CTIF: variants seen among roughly 807,000 people sequenced by gnomAD.
CTIF encodes the protein CBP80/20-dependent translation initiation factor.
Under a neutral mutation model 66.0 loss-of-function variants are expected in CTIF, and 21 were observed. That is an observed-to-expected ratio of 0.32 (90% CI 0.23 to 0.46). CTIF has a LOEUF of 0.46. Ranked by LOEUF, CTIF falls within the 20% of genes least tolerant of loss-of-function variation. The pLI is 1.00. For synonymous variants in CTIF, 345 were observed against 326.4 expected, an observed-to-expected ratio of 1.06 and a Z score of -0.62; for missense variants, 739 against 812.7, an observed-to-expected ratio of 0.91 and a Z score of 1.10.
intron 10 of CTIF, among the ~76,000 whole-genome samples, chr18:48,821,767 T>C (rs928654428): frequency 1.1e-4 from 17 of 152,276 alleles, no homozygotes; most frequent in African/African-American, 3.9e-4. Context: ...TTACAACTCA[T>C]ATTTGCTTAG....
At position 48,828,616 on chromosome 18, in the gene CTIF, A is replaced by G. The variant is rs2068629454; in HGVS notation, c.1527+11240A>G. Among the ~76,000 whole-genome samples, 3 of 152,256 alleles carry G rather than the reference A, an allele frequency of 2.0e-5. No individual in the cohort carries two copies. In the South Asian group the frequency reaches 6.2e-4, roughly 32 times the overall value. Reference sequence around the variant, plus strand: ...AAAACCATTTTCCAGCCGGAATTCTACTTTAAGGCTTAGGTAGGGAGGTAA... The same window carrying G: ...AAAACCATTTTCCAGCCGGAATTCTGCTTTAAGGCTTAGGTAGGGAGGTAA... On this transcript the variant is annotated intron_variant, in intron 10 of 11. Coordinates refer to ENST00000256413, the MANE Select transcript of CTIF (RefSeq NM_014772.3).
chr18:48,581,931 G>A (rs870214), intron 1 of CTIF, among the ~76,000 whole-genome samples: 3,639 of 152,186 alleles, frequency 0.024, 148 homozygotes, highest in African/African-American at 0.082. Flanking sequence ...GGGCCAAAGC[G>A]GGGCAGACCT....
intron 10 of CTIF, among the ~76,000 whole-genome samples, chr18:48,842,246 T>C (rs1275952669): frequency 6.7e-6 from 1 of 149,198 alleles, no homozygotes; most frequent in African/African-American, 2.5e-5. Flanking sequence ...GATGGGGAGG[T>C]CAGGCCTCAT....
At chr18:48,662,217 A>G in intron 3 of CTIF, 1 of 152,612 alleles carries the variant, frequency 6.6e-6, no homozygotes, top group Non-Finnish European at 1.5e-5. Flanking sequence ...GGCCATGGTC[A>G]GGAGCAAAGG....
At chr18:48,671,198 C>CT (rs960810105) in intron 6 of CTIF, among the ~76,000 whole-genome samples, 16 of 151,980 alleles carry the variant, frequency 1.1e-4, no homozygotes, top group African/African-American at 3.6e-4. Context: ...TATGCTTGCT[C>CT]TTTTTTTTAT....
At chr18:48,546,442 C>T (rs1334725833) in intron 1 of CTIF, among the ~76,000 whole-genome samples, 1 of 152,118 alleles carries the variant, frequency 6.6e-6, no homozygotes, top group Non-Finnish European at 1.5e-5. Context: ...ATTTAGAATA[C>T]TTTTAGTACC....
intron 7 of CTIF, among the ~76,000 whole-genome samples, chr18:48,750,780 G>T (rs189322897): frequency 6.6e-6 from 1 of 152,170 alleles, no homozygotes; most frequent in African/African-American, 2.4e-5. Context: ...TGCACCACAC[G>T]CTGCCATAGG....
chr18:48,730,422 CCTG>C (rs1568171486), intron 7 of CTIF, among the ~76,000 whole-genome samples: 4 of 108,400 alleles, frequency 3.7e-5, no homozygotes, highest in African/African-American at 1.2e-4. Flanking sequence ...GTGTGGGGCC[CCTG>C]CGCTGTGAGG....
chr18:48,680,682 T>C (rs550932217), intron 6 of CTIF, among the ~76,000 whole-genome samples: 5 of 152,242 alleles, frequency 3.3e-5, no homozygotes, highest in Admixed American at 2.0e-4. Context: ...CTGAGCCAAT[T>C]TGGCGATGCC....
Position 48,832,333 on chromosome 18 carries a change from G to A in CTIF, c.1527+14957G>A, listed in dbSNP as rs577201542. Among the ~76,000 whole-genome samples, 29 of 152,102 alleles carry A rather than the reference G, an allele frequency of 1.9e-4. 1 individual carries two copies. Among genetic ancestry groups the A allele is most frequent in the African/African-American group, 6.0e-4 (25 of 41,464 alleles). On this transcript the variant is annotated intron_variant, in intron 10 of 11. Coordinates refer to ENST00000256413, the MANE Select transcript of CTIF (RefSeq NM_014772.3). ...ACTCCAGGTGTGCACCACCACCCCCGGCTAATTTTTTGTATTTTTAGTAGA... is the reference window on the plus strand; with the variant it reads ...ACTCCAGGTGTGCACCACCACCCCCAGCTAATTTTTTGTATTTTTAGTAGA...
At chr18:48,556,147 G>A (rs753214465) in intron 1 of CTIF, among the ~76,000 whole-genome samples, 47 of 152,302 alleles carry the variant, frequency 3.1e-4, no homozygotes, top group African/African-American at 7.7e-4. Context: ...CGATCTGATC[G>A]TGAAGGGTGG....
At chr18:48,569,883 G>T (rs996282910) in intron 1 of CTIF, among the ~76,000 whole-genome samples, 1 of 152,180 alleles carries the variant, frequency 6.6e-6, no homozygotes, top group Non-Finnish European at 1.5e-5. Context: ...CATTGGCTTC[G>T]ATCTATTCCA....
At chr18:48,734,490 C>T (rs8099438) in intron 7 of CTIF, among the ~76,000 whole-genome samples, 13 of 152,164 alleles carry the variant, frequency 8.5e-5, no homozygotes, top group African/African-American at 2.9e-4. Flanking sequence ...CGCTAGAACG[C>T]GGGAGGCAGA....
chr18:48,625,136 T>G, intron 2 of CTIF: 1 of 796,096 alleles, frequency 1.3e-6, no homozygotes, highest in Non-Finnish European at 1.5e-6. Context: ...AAATCCCATC[T>G]CTTCATTTCC....
At chr18:48,587,420 G>A (rs1182093612) in intron 1 of CTIF, among the ~76,000 whole-genome samples, 1 of 151,694 alleles carries the variant, frequency 6.6e-6, no homozygotes, top group African/African-American at 2.4e-5. Context: ...AAGCCATTGA[G>A]GGTACAATTT....
chr18:48,604,455 G>A (rs1475466422), intron 1 of CTIF, among the ~76,000 whole-genome samples: 1 of 152,078 alleles, frequency 6.6e-6, no homozygotes, highest in Non-Finnish European at 1.5e-5. Flanking sequence ...TGGGATTACA[G>A]GCGTGAGCCC....
intron 1 of CTIF, among the ~76,000 whole-genome samples, chr18:48,615,815 T>C (rs528938072): frequency 1.1e-4 from 16 of 152,208 alleles, no homozygotes; most frequent in African/African-American, 2.9e-4. Context: ...GGCTACCCCA[T>C]GTGAATCTGG....
At chr18:48,564,984 A>G (rs953235242) in intron 1 of CTIF, 3 of 152,216 alleles carry the variant, frequency 2.0e-5, no homozygotes, top group Admixed American at 2.0e-4. Context: ...GATAAATTTT[A>G]AGGGAAGAAT....
chr18:48,616,339 C>G (rs2090399701), intron 1 of CTIF, among the ~76,000 whole-genome samples: 1 of 152,220 alleles, frequency 6.6e-6, no homozygotes, highest in Non-Finnish European at 1.5e-5. Flanking sequence ...AGGCACGGAG[C>G]CTGCTTGGGG....
Sources: allele counts gnomAD v4.1 joint callset (sites outside exome capture counted in the v4.1 genomes callset), GRCh38; gene constraint gnomAD v4.1.1; transcripts MANE v1.5; gene names NCBI Gene and HGNC (gene_info 2026-07-23, HGNC 2026-07-21).